The following SLC38A7 variants were observed in gnomAD, a reference collection of about 807,000 sequenced individuals.
The protein encoded by SLC38A7 is sodium-coupled neutral amino acid transporter 7.
A neutral mutation model predicts 50.1 loss-of-function variants in SLC38A7; 29 were observed. The observed-to-expected ratio is 0.58, with a 90% CI of 0.43 to 0.79. SLC38A7 has a LOEUF of 0.79. Ranked by LOEUF, SLC38A7 falls within the 30% of genes least tolerant of loss-of-function variation. SLC38A7 has a pLI of 0.00. For synonymous variants in SLC38A7, 244 were observed against 245.9 expected, an observed-to-expected ratio of 0.99 and a Z score of 0.07; for missense variants, 483 against 610.6, an observed-to-expected ratio of 0.79 and a Z score of 2.20.
chr16:58,670,923 T>G (rs1597665032), intron 10 of SLC38A7, 122 bp downstream of exon 10: 3 of 1,024,928 alleles, frequency 2.9e-6, no homozygotes. Context: ...GCGAGACAGG[T>G]GATCAATTAG....
At position 58,667,167 on chromosome 16, in the gene SLC38A7, C is replaced by T. The variant is rs1020937730; in HGVS notation, c.*218G>A. 23 of 518,142 alleles carry T rather than the reference C, an allele frequency of 4.4e-5. No homozygotes were observed. Among genetic ancestry groups the T allele is most frequent in the Non-Finnish European group, 6.9e-5 (20 of 291,942 alleles). 32.1% of individuals were successfully genotyped at this position (518,142 alleles called of 1,614,324 possible). A position where few individuals can be genotyped will look rare whatever the true frequency, so the allele number is the denominator to read the frequency against. ...TCCTCTATGATGTGAGACTTCCTGC[C>T]GCCATCCACGGCACTGCCAGGACTG... On this transcript the variant is annotated 3_prime_UTR_variant, in exon 12 of 12. Transcript: ENST00000219320.
At chr16:58,682,200 T>C (rs932908074) in intron 2 of SLC38A7, among the ~76,000 whole-genome samples, 1 of 151,978 alleles carries the variant, frequency 6.6e-6, no homozygotes, top group East Asian at 1.9e-4. Context: ...CCTGGTGCTA[T>C]TGGCCAGGTA....
At position 58,671,515 on chromosome 16, in the gene SLC38A7, G is replaced by C. The variant is rs1470062236; in HGVS notation, c.1032-271C>G. 7.2e-6 allele frequency: 4 copies of C among 552,862 alleles called. No individual in the cohort carries two copies. The African/African-American group carries it at 7.5e-5, about 10-fold the overall frequency. 34.2% of individuals were successfully genotyped at this position (552,862 alleles called of 1,614,324 possible). On this transcript the variant is annotated intron_variant, in intron 9 of 11. Transcript: ENST00000219320. ...GGAACTGTCTGGGGCATCCAAAGGG[G>C]AGGGTGTCCATGTGAAAGCTCAGGA...
rs42943 is a variant in SLC38A7, at chr16:58,680,079, G to T, written c.48C>A (p.Ser16Arg). Residue 16 changes from serine (S) to arginine (R), a missense_variant, in exon 3 of 12, where the codon AGC becomes AGA. By Grantham distance (110) the Ser-to-Arg change is moderately radical (BLOSUM62 -1). Transcript: ENST00000219320. ...GCCGAGCCCGCTCCCCGGCATCCGTGCTCAAGTCCCACTCGCTGTAGTCAT... is the reference window on the plus strand; with the variant it reads ...GCCGAGCCCGCTCCCCGGCATCCGTTCTCAAGTCCCACTCGCTGTAGTCAT... ...INNDYSEWDL[S>R]TDAGERARLL... 6.4e-7 allele frequency: 1 copy of T among 1,565,288 alleles called. No individual in the cohort carries two copies.
At chr16:58,668,713 C>CAAAAAAAAAAAAAAAAAAAAAA (rs71155292) in intron 11 of SLC38A7, among the ~76,000 whole-genome samples, 3 of 33,814 alleles carry the variant, frequency 8.9e-5, no homozygotes, top group Non-Finnish European at 1.6e-4. Context: ...AACTCCATCT[C>CAAAAAAAAAAAAAAAAAAAAAA]AAAAAAAAAA....
intron 8 of SLC38A7, among the ~76,000 whole-genome samples, chr16:58,672,930 CTTT>C (rs1380193005): frequency 1.3e-5 from 2 of 151,882 alleles, no homozygotes; most frequent in Middle Eastern, 3.4e-3. Flanking sequence ...CAGCCTTCTT[CTTT>C]TTTATTTTTT....
Position 58,677,405 on chromosome 16 carries a change from T to C in SLC38A7, c.631A>G (p.Thr211Ala), listed in dbSNP as rs756734223. ...KYASFLSVVG[T>A]WYVTAIVIIK... ...ATAACGATGGCTGTGACGTACCAGGTACCCACGACGCTCAGGAAGCTGCCG... is the reference window on the plus strand; with the variant it reads ...ATAACGATGGCTGTGACGTACCAGGCACCCACGACGCTCAGGAAGCTGCCG... Residue 211 changes from threonine to alanine, a missense_variant, in exon 6 of 12, where the codon ACC becomes GCC. Transcript: ENST00000219320. 29 of 1,613,464 alleles carry C rather than the reference T, an allele frequency of 1.8e-5. No homozygotes were observed. Among genetic ancestry groups the C allele is most frequent in the Non-Finnish European group, 2.5e-5 (29 of 1,179,864 alleles).
chr16:58,670,545 G>C (rs1567469573), intron 10 of SLC38A7, among the ~76,000 whole-genome samples: 1 of 152,246 alleles, frequency 6.6e-6, no homozygotes, highest in Non-Finnish European at 1.5e-5. Context: ...CTGGAAAAGG[G>C]TGGAACTCAT....
At position 58,678,884 on chromosome 16, in the gene SLC38A7, AC is replaced by A; in HGVS notation, c.280del (p.Val94PhefsTer33). ...GATGACAAGGCCACTGATGATGAAA[AC>A]CAGCATACCCTGCAGGCAGAGGCAG... ...AGIALQMGML[V>X]FIISGLVILA... On this transcript the variant is annotated frameshift_variant, in exon 4 of 12. Transcript: ENST00000219320. LOFTEE classifies it high-confidence loss of function. This position sits in a 1 kb window ranked among gnomAD's most constrained non-coding sequence, Gnocchi z 4.0. 6.2e-7 allele frequency: 1 copy of A among 1,613,090 alleles called. No homozygotes were observed. Among genetic ancestry groups the A allele is most frequent in the Non-Finnish European group, 8.5e-7 (1 of 1,179,970 alleles).
chr16:58,676,995 C>T (rs917466469), intron 6 of SLC38A7, among the ~76,000 whole-genome samples: 1 of 150,986 alleles, frequency 6.6e-6, no homozygotes, highest in Non-Finnish European at 1.5e-5. Flanking sequence ...CTCAAAGATA[C>T]AGAAATTACA....
Position 58,666,973 on chromosome 16 carries a change from A to C in SLC38A7, c.*412T>G, listed in dbSNP as rs1489861842. 7 of 209,802 alleles carry C rather than the reference A, an allele frequency of 3.3e-5. No individual in the cohort carries two copies. Among genetic ancestry groups the C allele is most frequent in the African/African-American group, 1.6e-4 (7 of 43,850 alleles). 13.0% of individuals were successfully genotyped at this position (209,802 alleles called of 1,614,324 possible). ...AAGCTACCACTGGCCTGGGGTAATG[A>C]GCACAACCCCTACTCAGGACAGGGT... On this transcript the variant is annotated 3_prime_UTR_variant, in exon 12 of 12. Transcript: ENST00000219320.
intron 6 of SLC38A7, among the ~76,000 whole-genome samples, 181 bp downstream of exon 6, chr16:58,677,145 C>A (rs1200892754): frequency 6.6e-6 from 1 of 152,176 alleles, no homozygotes; most frequent in Non-Finnish European, 1.5e-5. Flanking sequence ...GATTCTTGCT[C>A]TTCCTTCCAG....
intron 2 of SLC38A7, chr16:58,681,718 G>C (rs1442372347): frequency 1.9e-4 from 29 of 152,098 alleles, no homozygotes; most frequent in Non-Finnish European, 4.3e-4. Context: ...CCTGTGGGTC[G>C]TGTGTTAATA....
Position 58,680,132 on chromosome 16 carries a change from C to G in SLC38A7, c.-6G>C. On this transcript the variant is annotated 5_prime_UTR_variant, in exon 3 of 12. Coordinates refer to ENST00000219320, the MANE Select transcript of SLC38A7 (RefSeq NM_018231.3). ...TTGATGCTGACCTGGGCCATGGCCCCGAGAGCCTTCTTCCTGCAAGGTCTG... is the reference window on the plus strand; with the variant it reads ...TTGATGCTGACCTGGGCCATGGCCCGGAGAGCCTTCTTCCTGCAAGGTCTG... 1 of 1,515,184 alleles carries G rather than the reference C, an allele frequency of 6.6e-7. No homozygotes were observed. Among genetic ancestry groups the G allele is most frequent in the Non-Finnish European group, 8.8e-7 (1 of 1,130,834 alleles). The allele number at this position is 1,515,184 out of a possible 1,614,324, so 93.9% of individuals were successfully genotyped here. A position where few individuals can be genotyped will look rare whatever the true frequency, so the allele number is the denominator to read the frequency against.
chr16:58,667,442 T>C lies in SLC38A7; in HGVS notation c.1332A>G (p.Gly444=), dbSNP rs1422692888. Residue 444 remains glycine (G), a synonymous_variant, in exon 12 of 12, where the codon GGA becomes GGG. Transcript: ENST00000219320. ...CTGTGGTCTGGCCGAAGATGAAGGC[T>C]CCCAGGGTGACCAAGAGGACTCCGT... ...VSYGVLLVTL[G]AFIFGQTTAN... 3.1e-6 allele frequency: 5 copies of C among 1,613,690 alleles called. No individual in the cohort carries two copies. The highest frequency in any genetic ancestry group is 4.2e-6 in the Non-Finnish European group (5 of 1,179,982).
chr16:58,678,913 C>T lies in SLC38A7; in HGVS notation c.271-19G>A. 1 of 1,608,584 alleles carries T rather than the reference C, an allele frequency of 6.2e-7. No individual in the cohort carries two copies. The highest frequency in any genetic ancestry group is 1.1e-5 in the South Asian group (1 of 90,978). Reference sequence around the variant, plus strand: ...GCATACCCTGCAGGCAGAGGCAGAACAAGAGCTTGTGGCAAAGGCCTGGCA... The same window carrying T: ...GCATACCCTGCAGGCAGAGGCAGAATAAGAGCTTGTGGCAAAGGCCTGGCA... On this transcript the variant is annotated intron_variant, in intron 3 of 11. Coordinates refer to ENST00000219320, the MANE Select transcript of SLC38A7 (RefSeq NM_018231.3). The surrounding 1 kb of genome is among the most constrained non-coding windows in gnomAD (Gnocchi z 4.0).
Position 58,680,178 on chromosome 16 carries a change from C to G in SLC38A7, c.-52G>C. The stretch of plus-strand genomic sequence containing the variant: ...GTCTGTGGGTTCTGCCTTACAACCA[C>G]ATGCCTCAGGGAGCTGAGCAACACC... On this transcript the variant is annotated 5_prime_UTR_variant, in exon 3 of 12. It removes an upstream start codon present in the reference 5' UTR. Transcript: ENST00000219320. 1.3e-6 allele frequency: 2 copies of G among 1,493,656 alleles called. No homozygotes were observed. Among genetic ancestry groups the G allele is most frequent in the Non-Finnish European group, 1.8e-6 (2 of 1,122,276 alleles). 92.5% of individuals were successfully genotyped at this position (1,493,656 alleles called of 1,614,324 possible).
In SLC38A7 at chr16:58,667,463, TC is replaced by T; in HGVS notation, c.1310del (p.Gly437GlufsTer53). 6.2e-7 allele frequency: 1 copy of T among 1,612,652 alleles called. No homozygotes were observed. The highest frequency in any genetic ancestry group is 8.5e-7 in the Non-Finnish European group (1 of 1,179,388). The stretch of plus-strand genomic sequence containing the variant: ...AGGCTCCCAGGGTGACCAAGAGGAC[TC>T]CGTAGCTGACCAGCACCCACCAGCT... ...PASWWVLVSY[G>X]VLLVTLGAFI... On this transcript the variant is annotated frameshift_variant, in exon 12 of 12. Coordinates refer to ENST00000219320, the MANE Select transcript of SLC38A7 (RefSeq NM_018231.3). LOFTEE classifies it high-confidence loss of function.
chr16:58,672,718 C>T (rs2044182559), intron 8 of SLC38A7, among the ~76,000 whole-genome samples: 1 of 152,130 alleles, frequency 6.6e-6, no homozygotes, highest in African/African-American at 2.4e-5. Context: ...GTGATCATGG[C>T]TCACTGCAGC....
Sources: allele counts gnomAD v4.1 joint callset (sites outside exome capture counted in the v4.1 genomes callset), GRCh38; gene constraint gnomAD v4.1.1; non-coding constraint Gnocchi (gnomAD v3.1); transcripts MANE v1.5; gene names NCBI Gene and HGNC (gene_info 2026-07-23, HGNC 2026-07-21).